The following CMIP variants were observed in gnomAD, a reference collection of about 807,000 sequenced individuals.
CMIP encodes the protein c-Maf inducing protein, also known as C-Maf-inducing protein.
A neutral mutation model predicts 97.3 loss-of-function variants in CMIP; 13 were observed. The observed-to-expected ratio is 0.13, with a 90% CI of 0.09 to 0.21. CMIP has a LOEUF of 0.21. CMIP is among the 10% of genes least tolerant of loss of function. The pLI, the probability that CMIP is intolerant of heterozygous loss-of-function variation, is 1.00. For synonymous variants in CMIP, 538 were observed against 436.3 expected (o/e 1.23, Z -2.91); for missense variants, 847 against 1,024.9 (o/e 0.83, Z 2.37).
intron 1 of CMIP, among the ~76,000 whole-genome samples, chr16:81,594,524 C>G (rs959387485): frequency 6.6e-6 from 1 of 152,152 alleles, no homozygotes; most frequent in South Asian, 2.1e-4. Flanking sequence ...TTCCAAGGCC[C>G]CCAGTGGATG....
intron 7 of CMIP, among the ~76,000 whole-genome samples, chr16:81,667,840 G>GTC (rs2092626245): frequency 6.9e-6 from 1 of 145,108 alleles, no homozygotes; most frequent in East Asian, 2.0e-4. Context: ...GTGTGTGTGT[G>GTC]TTTGTGCTCA....
intron 9 of CMIP, among the ~76,000 whole-genome samples, chr16:81,674,073 TGA>T (rs1269437325): frequency 6.6e-6 from 1 of 152,072 alleles, no homozygotes; most frequent in Non-Finnish European, 1.5e-5. Context: ...CAGCAGGGCA[TGA>T]GAGAGGGTGA....
intron 3 of CMIP, among the ~76,000 whole-genome samples, chr16:81,640,052 C>T (rs1001677954): frequency 9.2e-5 from 14 of 152,134 alleles, no homozygotes; most frequent in African/African-American, 3.4e-4. Context: ...GGACCCTGTG[C>T]GAGCCCCATG....
At position 81,705,503 on chromosome 16, in the gene CMIP, G is replaced by C. The variant is rs1335371257; in HGVS notation, c.2096G>C (p.Gly699Ala). The C allele has an allele frequency of 6.3e-7, 1 of 1,599,910 alleles. No homozygotes were observed. Among genetic ancestry groups the C allele is most frequent in the Non-Finnish European group, 8.5e-7 (1 of 1,173,638 alleles). Reference sequence around the variant, plus strand: ...GAGAGTTTCTGTGCTCTACAGTTTGGAGACGCTGGCCTTCGGCTCCTGTCG... The same window carrying C: ...GAGAGTTTCTGTGCTCTACAGTTTGCAGACGCTGGCCTTCGGCTCCTGTCG... ...KQLNLWSTQF[G>A]DAGLRLLSEH... Residue 699 changes from glycine (G) to alanine (A), a missense_variant, in exon 19 of 21, where the codon GGA becomes GCA. Gly to Ala is a moderately conservative substitution (Grantham distance 60, BLOSUM62 0). Around this residue, in one of 4 missense-constraint regions of CMIP, gnomAD observed 266 missense variants for 384.2 expected, o/e 0.69. Coordinates refer to ENST00000537098, the MANE Select transcript of CMIP (RefSeq NM_198390.3).
chr16:81,557,996 C>G (rs1216736581), intron 1 of CMIP, among the ~76,000 whole-genome samples: 1 of 152,172 alleles, frequency 6.6e-6, no homozygotes, highest in African/African-American at 2.4e-5. Flanking sequence ...TGCTCTGTCT[C>G]TACGAATTTG....
intron 2 of CMIP, chr16:81,610,544 G>T (rs2091814298): frequency 1.0e-6 from 1 of 985,350 alleles, no homozygotes; most frequent in African/African-American, 1.7e-5. Context: ...AACCCAGGTG[G>T]GTGCAGCCCC....
In CMIP at chr16:81,592,669, G is replaced by A. The variant is rs767550047; in HGVS notation, c.301-14898G>A. Among the ~76,000 whole-genome samples, 24 of 152,222 alleles carry A rather than the reference G, an allele frequency of 1.6e-4. 1 individual carries two copies. Among genetic ancestry groups the A allele is most frequent in the African/African-American group, 5.8e-4 (24 of 41,444 alleles). Reference sequence around the variant, plus strand: ...CAACAGTCCTGGCTTCCATGTGGCCGTTCCACTGAGCGGCTGTGACCGAGG... The same window carrying A: ...CAACAGTCCTGGCTTCCATGTGGCCATTCCACTGAGCGGCTGTGACCGAGG... On this transcript the variant is annotated intron_variant, in intron 1 of 20. Transcript: ENST00000537098.
chr16:81,476,988 G>A (rs1159488127), intron 1 of CMIP, among the ~76,000 whole-genome samples: 1 of 151,986 alleles, frequency 6.6e-6, no homozygotes, highest in Non-Finnish European at 1.5e-5. Flanking sequence ...CCTCAACTTG[G>A]TGGACCTCTT....
chr16:81,475,120 C>G (rs1302476977), intron 1 of CMIP, among the ~76,000 whole-genome samples: 1 of 152,086 alleles, frequency 6.6e-6, no homozygotes, highest in Non-Finnish European at 1.5e-5. Context: ...GATGCTGTGT[C>G]TGGAGGCCTT....
intron 1 of CMIP, among the ~76,000 whole-genome samples, chr16:81,606,421 T>G (rs1249367061): frequency 6.6e-6 from 1 of 152,156 alleles, no homozygotes; most frequent in African/African-American, 2.4e-5. Context: ...GAAGTCTGGC[T>G]TCCTGGAGCC....
intron 1 of CMIP, chr16:81,519,742 C>T (rs944739674): frequency 1.2e-4 from 19 of 152,330 alleles, no homozygotes; most frequent in Admixed American, 8.5e-4. Flanking sequence ...ACCTACAGAA[C>T]GGCAGTTTGA....
intron 3 of CMIP, among the ~76,000 whole-genome samples, chr16:81,647,781 G>A (rs892593970): frequency 6.6e-6 from 1 of 152,064 alleles, no homozygotes; most frequent in African/African-American, 2.4e-5. Context: ...CACCTAGGGA[G>A]GAGGGACAGG....
chr16:81,506,570 T>G (rs182766520), intron 1 of CMIP, among the ~76,000 whole-genome samples: 3 of 152,174 alleles, frequency 2.0e-5, no homozygotes, highest in African/African-American at 7.2e-5. Context: ...AGAAGCTTGA[T>G]TGGGGAAAAG....
At chr16:81,601,877 C>G (rs931164016) in intron 1 of CMIP, among the ~76,000 whole-genome samples, 3 of 152,330 alleles carry the variant, frequency 2.0e-5, no homozygotes, top group African/African-American at 4.8e-5. Context: ...TCACATGGCC[C>G]TGTCAAGCTG....
chr16:81,520,585 AG>A (rs2090003255), intron 1 of CMIP: 1 of 150,940 alleles, frequency 6.6e-6, no homozygotes, highest in Non-Finnish European at 1.5e-5. Flanking sequence ...AGAGAGAGAG[AG>A]AGAGAGAGAG....
At chr16:81,670,634 G>C (rs2092674712) in intron 8 of CMIP, among the ~76,000 whole-genome samples, 1 of 94,842 alleles carries the variant, frequency 1.1e-5, no homozygotes, top group African/African-American at 3.7e-5. Flanking sequence ...GGGGGGGGGG[G>C]TGGTTGCTTT....
chr16:81,678,945 CT>C, intron 10 of CMIP, among the ~76,000 whole-genome samples: 1 of 152,362 alleles, frequency 6.6e-6, no homozygotes, highest in African/African-American at 2.4e-5. Flanking sequence ...GCTTGAGTGC[CT>C]GGGCACATGT....
intron 2 of CMIP, among the ~76,000 whole-genome samples, 174 bp downstream of exon 2, chr16:81,607,866 G>A (rs1037405967): frequency 2.0e-5 from 3 of 152,226 alleles, no homozygotes; most frequent in African/African-American, 4.8e-5. Context: ...TGGAGAAAAC[G>A]AAAAGGACTG....
At chr16:81,557,573 G>A (rs986408788) in intron 1 of CMIP, among the ~76,000 whole-genome samples, 17 of 152,190 alleles carry the variant, frequency 1.1e-4, no homozygotes, top group African/African-American at 4.1e-4. Flanking sequence ...AATAAAAATG[G>A]GAGGACTAGG....
Sources: gnomAD v4.1 joint callset for allele counts (sites outside exome capture counted in the v4.1 genomes callset) on GRCh38, gnomAD v4.1.1 for gene constraint, gnomAD v4.1.1 regional missense constraint, MANE v1.5 for transcripts, NCBI Gene and HGNC (gene_info 2026-07-23, HGNC 2026-07-21) for gene names.